The following METTL25 variants were observed in gnomAD, a reference collection of about 807,000 sequenced individuals.
METTL25 encodes methyltransferase like 25.
A neutral mutation model predicts 71.6 loss-of-function variants in METTL25; 64 were observed. The ratio of observed to expected loss-of-function variants is 0.89; its 90% CI spans 0.73 to 1.10. METTL25 has a LOEUF of 1.10. Among genes scored for constraint, METTL25 ranks in the 50% least tolerant of loss-of-function variants. The pLI is 0.00. For missense variants in METTL25, 807 were observed against 707.0 expected, an observed-to-expected ratio of 1.14 and a Z score of -1.60; for synonymous variants, 287 against 250.3, an observed-to-expected ratio of 1.15 and a Z score of -1.38.
rs754420190 is a variant in METTL25, at chr12:82,402,146, TAGG to T, written c.1132-834_1132-832del. On this transcript the variant is annotated intron_variant, in intron 4 of 11. Transcript: ENST00000248306. ...TTGGATAATTAGAATAAACATTTCA[TAGG>T]AGAATTTTAAATACGATGTATACTA... is the stretch of plus-strand genomic sequence containing the variant. Among the ~76,000 whole-genome samples the T allele has an allele frequency of 7.2e-5, 11 of 152,144 alleles. No individual in the cohort carries two copies. In the South Asian group the frequency reaches 8.3e-4, roughly 11 times the overall value.
intron 9 of METTL25, among the ~76,000 whole-genome samples, chr12:82,460,764 C>T (rs2137268815): frequency 6.6e-6 from 1 of 152,220 alleles, no homozygotes; most frequent in African/African-American, 2.4e-5. Context: ...TGGAAAAGGA[C>T]ATTAAATAAA....
chr12:82,452,579 GAATAC>G (rs1414961290), intron 8 of METTL25, among the ~76,000 whole-genome samples: 1 of 152,112 alleles, frequency 6.6e-6, no homozygotes, highest in African/African-American at 2.4e-5. Flanking sequence ...AAATACTAAT[GAATAC>G]TTCCCTTTCC....
chr12:82,365,801 G>T (rs1033773487), intron 1 of METTL25, among the ~76,000 whole-genome samples: 4 of 143,758 alleles, frequency 2.8e-5, no homozygotes, highest in African/African-American at 9.9e-5. Context: ...ATCTGGCCTC[G>T]GCCGGGCGCG....
At chr12:82,374,648 T>G (rs941574034) in intron 1 of METTL25, among the ~76,000 whole-genome samples, 2 of 152,224 alleles carry the variant, frequency 1.3e-5, no homozygotes, top group Admixed American at 6.5e-5. Context: ...CACCTCTGTT[T>G]GTTGAATTTA....
intron 1 of METTL25, among the ~76,000 whole-genome samples, chr12:82,372,838 T>C (rs1301953589): frequency 6.6e-6 from 1 of 152,092 alleles, no homozygotes; most frequent in African/African-American, 2.4e-5. Flanking sequence ...CCTTGCTGAT[T>C]GGAATAGTTG....
chr12:82,383,955 A>C (rs1261610210), intron 1 of METTL25, among the ~76,000 whole-genome samples: 4 of 152,154 alleles, frequency 2.6e-5, no homozygotes, highest in Non-Finnish European at 5.9e-5. Context: ...CCTTATGACC[A>C]ATTAGCCTAT....
intron 8 of METTL25, among the ~76,000 whole-genome samples, chr12:82,453,702 AGCC>A (rs1279152448): frequency 6.6e-6 from 1 of 152,134 alleles, no homozygotes; most frequent in African/African-American, 2.4e-5. Flanking sequence ...TGTATAACTA[AGCC>A]TGCCTATATG....
intron 1 of METTL25, among the ~76,000 whole-genome samples, chr12:82,367,642 G>T (rs1335950119): frequency 1.3e-5 from 2 of 152,122 alleles, no homozygotes; most frequent in Non-Finnish European, 2.9e-5. Context: ...CTTGCCTTTA[G>T]ACTGTATTTC....
intron 9 of METTL25, chr12:82,459,872 C>T (rs1044155101): frequency 2.0e-5 from 3 of 152,114 alleles, no homozygotes; most frequent in Non-Finnish European, 1.5e-5. Flanking sequence ...TCTATTTATT[C>T]CAGAAGATCA....
Position 82,386,854 on chromosome 12 carries a change from G to T in METTL25, c.311G>T (p.Ser104Ile), listed in dbSNP as rs1249641418. Residue 104 changes from serine (S) to isoleucine (I), a missense_variant, in exon 2 of 12, where the codon AGT becomes ATT. By Grantham distance (142) the Ser-to-Ile change is moderately radical. Coordinates refer to ENST00000248306, the MANE Select transcript of METTL25 (RefSeq NM_032230.3). ...TGTGAAACTTCTCAGAAGTTGGTGA[G>T]TGTGGAAGCCTTTGCTCTGGCTGCG... The part of the protein sequence containing the change: ...IFCETSQKLV[S>I]VEAFALAAKY... The T allele has an allele frequency of 4.3e-6, 7 of 1,613,396 alleles. No homozygotes were observed. The highest frequency in any genetic ancestry group is 5.1e-6 in the Non-Finnish European group (6 of 1,179,660).
chr12:82,383,364 A>G (rs1047465394), intron 1 of METTL25, among the ~76,000 whole-genome samples: 2 of 151,930 alleles, frequency 1.3e-5, no homozygotes, highest in Non-Finnish European at 2.9e-5. Context: ...TGTCCACTGT[A>G]CTTAACAACT....
chr12:82,458,602 G>A (rs1464573492), intron 9 of METTL25, among the ~76,000 whole-genome samples: 2 of 151,850 alleles, frequency 1.3e-5, no homozygotes, highest in African/African-American at 4.8e-5. Context: ...ACCTTAATGA[G>A]CTCAACCTGG....
At chr12:82,452,420 T>C (rs774750614) in intron 8 of METTL25, among the ~76,000 whole-genome samples, 2 of 152,182 alleles carry the variant, frequency 1.3e-5, no homozygotes, top group Non-Finnish European at 2.9e-5. Context: ...GGAGAATCAC[T>C]TGAGCCAATG....
intron 5 of METTL25, among the ~76,000 whole-genome samples, chr12:82,403,803 G>T (rs1420088392): frequency 6.6e-6 from 1 of 152,088 alleles, no homozygotes; most frequent in East Asian, 1.9e-4. Flanking sequence ...TGTAAAATAT[G>T]ATTTCAAAAC....
chr12:82,445,152 AC>A (rs1890649315), intron 8 of METTL25, among the ~76,000 whole-genome samples: 1 of 152,140 alleles, frequency 6.6e-6, no homozygotes, highest in Non-Finnish European at 1.5e-5. Context: ...GAGACCTGTG[AC>A]AATTGAATAA....
At chr12:82,394,091 T>C (rs1007920133) in intron 3 of METTL25, among the ~76,000 whole-genome samples, 3 of 152,058 alleles carry the variant, frequency 2.0e-5, no homozygotes, top group African/African-American at 7.2e-5. Context: ...AATTTCAATT[T>C]TGGGGATTTA....
chr12:82,412,829 T>A (rs1887655252), intron 5 of METTL25, among the ~76,000 whole-genome samples: 1 of 152,086 alleles, frequency 6.6e-6, no homozygotes. Context: ...CAGTGGAATC[T>A]CACAGGGATT....
chr12:82,383,796 C>A (rs867025669), intron 1 of METTL25, among the ~76,000 whole-genome samples: 2 of 151,792 alleles, frequency 1.3e-5, no homozygotes, highest in Middle Eastern at 3.4e-3. Context: ...TTTTTATAAT[C>A]CAAGGTGTAT....
At position 82,421,042 on chromosome 12, in the gene METTL25, A is replaced by G. The variant is rs1485098836; in HGVS notation, c.1280-9851A>G. ...ATGCCTGGCTAATTTTTAAATTTTT[A>G]GTACAGACGGGGTTTCGCCATGTTG... On this transcript the variant is annotated intron_variant, in intron 5 of 11. Transcript: ENST00000248306. 2.0e-5 allele frequency among the ~76,000 whole-genome samples: 3 copies of G among 152,060 alleles called. No homozygotes were observed. In the East Asian group the frequency reaches 5.8e-4, roughly 29 times the overall value.
Sources: gnomAD v4.1 joint callset for allele counts (sites outside exome capture counted in the v4.1 genomes callset) on GRCh38, gnomAD v4.1.1 for gene constraint, MANE v1.5 for transcripts, NCBI Gene and HGNC (gene_info 2026-07-23, HGNC 2026-07-21) for gene names.